SMARCC1: variants seen among roughly 807,000 people sequenced by gnomAD.
SMARCC1 encodes the protein SWI/SNF complex subunit SMARCC1.
SMARCC1 carries 43 observed loss-of-function variants against 147.4 expected under a neutral mutation model. The ratio of observed to expected loss-of-function variants is 0.29; its 90% CI spans 0.23 to 0.38. The LOEUF (loss-of-function observed/expected upper bound fraction) is 0.38, where lower values mean the gene tolerates loss of function less well. Among genes scored for constraint, SMARCC1 ranks in the 10% least tolerant of loss-of-function variants. The probability of loss-of-function intolerance (pLI) is 1.00; values close to 1 mark genes in which losing one functional copy is unlikely to be tolerated. For synonymous variants in SMARCC1, 495 were observed against 484.4 expected (o/e 1.02, Z -0.29); for missense variants, 1,119 against 1,381.1 (o/e 0.81, Z 3.01).
intron 19 of SMARCC1, among the ~76,000 whole-genome samples, chr3:47,664,325 T>C (rs1169604286): frequency 1.3e-5 from 2 of 152,112 alleles, no homozygotes; most frequent in South Asian, 2.1e-4. Context: ...AGAGATATAT[T>C]GTGTTCATTC....
chr3:47,637,020 C>T (rs750437553), intron 22 of SMARCC1, among the ~76,000 whole-genome samples: 3 of 151,918 alleles, frequency 2.0e-5, no homozygotes, highest in East Asian at 1.9e-4. Flanking sequence ...CTGAAAAAAC[C>T]GCAACTGACT....
intron 2 of SMARCC1, among the ~76,000 whole-genome samples, chr3:47,749,185 T>G (rs1220517824): frequency 6.6e-6 from 1 of 152,038 alleles, no homozygotes; most frequent in Non-Finnish European, 1.5e-5. Flanking sequence ...GCACCTGCAG[T>G]CCCAGCTACT....
chr3:47,604,977 A>C (rs2106660993), intron 26 of SMARCC1, among the ~76,000 whole-genome samples: 1 of 152,332 alleles, frequency 6.6e-6, no homozygotes, highest in South Asian at 2.1e-4. Context: ...TTGGGATTAC[A>C]GGCGTAAGCC....
chr3:47,722,984 G>A (rs994442652), intron 6 of SMARCC1, among the ~76,000 whole-genome samples: 1 of 152,132 alleles, frequency 6.6e-6, no homozygotes, highest in African/African-American at 2.4e-5. Flanking sequence ...AAGAAACACT[G>A]GGGTACAGAG....
At chr3:47,665,868 T>A (rs2033413981) in intron 19 of SMARCC1, among the ~76,000 whole-genome samples, 1 of 151,166 alleles carries the variant, frequency 6.6e-6, no homozygotes, top group African/African-American at 2.4e-5. Context: ...TTTTTTTTTG[T>A]GAGACACGGT....
At chr3:47,735,863 C>T (rs1039334985) in intron 5 of SMARCC1, among the ~76,000 whole-genome samples, 171 bp downstream of exon 5, 2 of 146,370 alleles carry the variant, frequency 1.4e-5, no homozygotes, top group African/African-American at 2.5e-5. Context: ...AACAAAGTGA[C>T]ACCTCATCTC....
intron 2 of SMARCC1, among the ~76,000 whole-genome samples, chr3:47,758,631 T>C (rs1392389661): frequency 3.3e-5 from 5 of 152,230 alleles, no homozygotes; most frequent in Admixed American, 3.3e-4. Context: ...GCTTTCATAC[T>C]ACACTGAGTG....
chr3:47,697,729 C>T (rs1479191499), intron 11 of SMARCC1, among the ~76,000 whole-genome samples: 4 of 151,434 alleles, frequency 2.6e-5, no homozygotes, highest in East Asian at 2.0e-4. Flanking sequence ...AATATCTGGA[C>T]GGGCACAGTG....
At chr3:47,723,355 GT>G (rs71070218) in intron 6 of SMARCC1, among the ~76,000 whole-genome samples, 19,810 of 106,972 alleles carry the variant, frequency 0.19, 601 homozygotes, top group Middle Eastern at 0.26. Context: ...TTTTTGTTGG[GT>G]TTTTTTTTTT....
chr3:47,767,856 A>C (rs1338257977), intron 2 of SMARCC1, among the ~76,000 whole-genome samples: 5 of 148,798 alleles, frequency 3.4e-5, no homozygotes, highest in Non-Finnish European at 7.5e-5. Context: ...CAACGACAAC[A>C]ACAACAAAAA....
At chr3:47,739,946 G>A (rs761846338) in intron 3 of SMARCC1, among the ~76,000 whole-genome samples, 10 of 151,930 alleles carry the variant, frequency 6.6e-5, no homozygotes, top group Admixed American at 2.6e-4. Flanking sequence ...GTGTGATCTC[G>A]ATTCACCACA....
At chr3:47,635,488 G>T in intron 23 of SMARCC1, 144 bp from the exon 24 acceptor site, 1 of 731,956 alleles carries the variant, frequency 1.4e-6, no homozygotes, top group Non-Finnish European at 2.3e-6. Flanking sequence ...GTTCTGTTGA[G>T]CCATTCCATG....
At chr3:47,771,864 T>C (rs1446886145) in intron 2 of SMARCC1, among the ~76,000 whole-genome samples, 1 of 151,412 alleles carries the variant, frequency 6.6e-6, no homozygotes, top group Non-Finnish European at 1.5e-5. Flanking sequence ...GGTGGATCAC[T>C]TGAGGCTGCG....
chr3:47,752,989 A>G (rs1427717507), intron 2 of SMARCC1, among the ~76,000 whole-genome samples: 3 of 152,164 alleles, frequency 2.0e-5, no homozygotes, highest in Admixed American at 6.6e-5. Flanking sequence ...CTGGGTATAT[A>G]TAAGTGGTTT....
At chr3:47,668,767 C>G (rs2033455775) in intron 19 of SMARCC1, among the ~76,000 whole-genome samples, 5 of 151,914 alleles carry the variant, frequency 3.3e-5, no homozygotes. Context: ...CACCTGTAGT[C>G]CCAGCTACTC....
chr3:47,649,079 T>C (rs2106719442), intron 21 of SMARCC1, among the ~76,000 whole-genome samples: 1 of 152,302 alleles, frequency 6.6e-6, no homozygotes, highest in South Asian at 2.1e-4. Flanking sequence ...TATTCAGAAG[T>C]TTGAGTCTAT....
At chr3:47,772,532 T>C (rs1216168525) in intron 2 of SMARCC1, among the ~76,000 whole-genome samples, 1 of 152,174 alleles carries the variant, frequency 6.6e-6, no homozygotes, top group East Asian at 1.9e-4. Context: ...GGAGAAAGCA[T>C]GGAGAAGACT....
chr3:47,709,796 T>G (rs1411261302), intron 9 of SMARCC1, among the ~76,000 whole-genome samples: 1 of 152,196 alleles, frequency 6.6e-6, no homozygotes, highest in African/African-American at 2.4e-5. Context: ...TTCTTCTCAG[T>G]GTCAAGTCGT....
chr3:47,630,574 G>C (rs960943351), intron 24 of SMARCC1, among the ~76,000 whole-genome samples: 1 of 152,176 alleles, frequency 6.6e-6, no homozygotes, highest in African/African-American at 2.4e-5. Flanking sequence ...TTTCTATGTA[G>C]TCATACAAAA....
Sources: allele counts gnomAD v4.1 joint callset (sites outside exome capture counted in the v4.1 genomes callset), GRCh38; gene constraint gnomAD v4.1.1; transcripts MANE v1.5; gene names NCBI Gene and HGNC (gene_info 2026-07-23, HGNC 2026-07-21).